Variants in ADK observed in about 807,000 individuals in gnomAD.
ADK encodes the protein N6,N6-dimethyladenosine kinase.
A neutral mutation model predicts 44.7 loss-of-function variants in ADK; 24 were observed. The ratio of observed to expected loss-of-function variants is 0.54; its 90% CI spans 0.39 to 0.76. The LOEUF is 0.76. Ranked by LOEUF, ADK falls within the 30% of genes least tolerant of loss-of-function variation. The pLI, the probability that ADK is intolerant of heterozygous loss-of-function variation, is 0.00. For missense variants in ADK, 321 were observed against 425.1 expected (o/e 0.76, Z 2.15); for synonymous variants, 128 against 142.6 (o/e 0.90, Z 0.73).
intron 4 of ADK, among the ~76,000 whole-genome samples, chr10:74,332,737 A>G (rs1169296422): frequency 6.6e-6 from 1 of 152,198 alleles, no homozygotes; most frequent in Non-Finnish European, 1.5e-5. Flanking sequence ...CCATTTGAAG[A>G]GTATTACTTT....
intron 7 of ADK, among the ~76,000 whole-genome samples, chr10:74,576,089 A>G (rs1342731342): frequency 6.6e-6 from 1 of 152,158 alleles, no homozygotes; most frequent in African/African-American, 2.4e-5. Context: ...GAGAAAAAAA[A>G]GTAAAGAGAA....
In ADK at chr10:74,222,882, C is replaced by G. The variant is rs1475773991; in HGVS notation, c.141-1656C>G. ...GTTGTGGGGTGGGGGGAGGGGGGAG[C>G]GATAGCATTGGGAGATATACCTAAT... On this transcript the variant is annotated intron_variant, in intron 2 of 10. Coordinates refer to ENST00000539909, the MANE Select transcript of ADK (RefSeq NM_006721.4). Among the ~76,000 whole-genome samples the G allele has an allele frequency of 4.2e-5, 6 of 144,060 alleles. No individual in the cohort carries two copies. The South Asian group carries it at 8.8e-4, about 21-fold the overall frequency. 94.5% of individuals were successfully genotyped at this position (144,060 alleles called of 152,430 possible). A position where few individuals can be genotyped will look rare whatever the true frequency, so the allele number is the denominator to read the frequency against.
At chr10:74,340,085 A>C (rs1487640548) in intron 4 of ADK, among the ~76,000 whole-genome samples, 3 of 152,172 alleles carry the variant, frequency 2.0e-5, no homozygotes, top group African/African-American at 7.2e-5. Context: ...TTTCATGTAC[A>C]TAGGAGGGAA....
chr10:74,281,406 A>G (rs1205921248), intron 3 of ADK, among the ~76,000 whole-genome samples: 1 of 152,228 alleles, frequency 6.6e-6, no homozygotes, highest in Non-Finnish European at 1.5e-5. Flanking sequence ...TTTTTGGTAA[A>G]GAAACATAAG....
intron 3 of ADK, among the ~76,000 whole-genome samples, chr10:74,229,165 T>G (rs991012120): frequency 6.6e-6 from 1 of 152,162 alleles, no homozygotes; most frequent in African/African-American, 2.4e-5. Context: ...TTTAAATGCT[T>G]GCCAATTTAC....
chr10:74,611,158 G>A (rs1852525734), intron 9 of ADK, among the ~76,000 whole-genome samples: 1 of 151,698 alleles, frequency 6.6e-6, no homozygotes. Context: ...TAAGTAGCCG[G>A]GACTACAGGT....
intron 7 of ADK, among the ~76,000 whole-genome samples, chr10:74,567,990 C>T (rs927085797): frequency 3.9e-5 from 6 of 152,090 alleles, no homozygotes; most frequent in Non-Finnish European, 5.9e-5. Flanking sequence ...TGAGCCACCG[C>T]GCCAGGCCCT....
At chr10:74,361,509 G>T (rs1259783685) in intron 4 of ADK, among the ~76,000 whole-genome samples, 3 of 152,130 alleles carry the variant, frequency 2.0e-5, no homozygotes, top group Non-Finnish European at 4.4e-5. Context: ...ACACAAAAGT[G>T]AACATTAACT....
intron 7 of ADK, among the ~76,000 whole-genome samples, chr10:74,577,458 G>T (rs1037248474): frequency 2.0e-5 from 3 of 151,596 alleles, no homozygotes; most frequent in East Asian, 1.9e-4. Context: ...CTTTATTAAA[G>T]ATTTTTTTTT....
chr10:74,551,852 C>T (rs932282674), intron 7 of ADK, among the ~76,000 whole-genome samples: 2 of 152,118 alleles, frequency 1.3e-5, no homozygotes, highest in African/African-American at 4.8e-5. Flanking sequence ...CTCACACATA[C>T]ACAGGATACC....
At chr10:74,597,120 C>A (rs1449280010) in intron 8 of ADK, among the ~76,000 whole-genome samples, 1 of 152,072 alleles carries the variant, frequency 6.6e-6, no homozygotes, top group Non-Finnish European at 1.5e-5. Context: ...AAGTATGTAA[C>A]CATTTTAGAG....
chr10:74,391,169 G>T (rs1235907495), intron 4 of ADK, among the ~76,000 whole-genome samples: 1 of 151,880 alleles, frequency 6.6e-6, no homozygotes, highest in Non-Finnish European at 1.5e-5. Context: ...AGACTGTATT[G>T]TCATAAGAGC....
intron 4 of ADK, among the ~76,000 whole-genome samples, chr10:74,356,408 C>T (rs1842150023): frequency 6.6e-6 from 1 of 152,128 alleles, no homozygotes; most frequent in Non-Finnish European, 1.5e-5. Context: ...TCACATTTTT[C>T]ACTAGTGGAT....
intron 6 of ADK, among the ~76,000 whole-genome samples, chr10:74,411,737 C>A (rs1844185262): frequency 6.6e-6 from 1 of 152,184 alleles, no homozygotes; most frequent in Admixed American, 6.5e-5. Flanking sequence ...ATTGACTCTT[C>A]TTTCATAAAA....
chr10:74,286,144 T>G (rs539096288), intron 3 of ADK, among the ~76,000 whole-genome samples: 1 of 152,178 alleles, frequency 6.6e-6, no homozygotes, highest in South Asian at 2.1e-4. Context: ...CCTCACACTC[T>G]TGGGTTCAAG....
At chr10:74,363,510 GA>G (rs900318929) in intron 4 of ADK, among the ~76,000 whole-genome samples, 20 of 152,104 alleles carry the variant, frequency 1.3e-4, no homozygotes, top group Non-Finnish European at 2.2e-4. Flanking sequence ...GCATAGACAG[GA>G]GGGTTCCCTA....
chr10:74,702,628 T>G (rs997130130), intron 10 of ADK, among the ~76,000 whole-genome samples: 1 of 150,582 alleles, frequency 6.6e-6, no homozygotes, highest in African/African-American at 2.4e-5. Context: ...GATGGAGTTT[T>G]ACTCTTGTTG....
intron 2 of ADK, among the ~76,000 whole-genome samples, chr10:74,215,122 C>T (rs1468928780): frequency 6.6e-6 from 1 of 152,002 alleles, no homozygotes; most frequent in African/African-American, 2.4e-5. Flanking sequence ...CATTTTTCTC[C>T]AGTAATTTAG....
intron 4 of ADK, among the ~76,000 whole-genome samples, chr10:74,392,242 A>G (rs1843361087): frequency 6.6e-6 from 1 of 152,114 alleles, no homozygotes; most frequent in African/African-American, 2.4e-5. Flanking sequence ...CTTCCATACC[A>G]TTTTAGTAGT....
Sources: allele counts gnomAD v4.1 joint callset (sites outside exome capture counted in the v4.1 genomes callset), GRCh38; gene constraint gnomAD v4.1.1; transcripts MANE v1.5; gene names NCBI Gene and HGNC (gene_info 2026-07-23, HGNC 2026-07-21).